Variants in HLCS observed in about 807,000 individuals in gnomAD.
HLCS encodes the protein holocarboxylase synthetase, also known as biotin--protein ligase.
A neutral mutation model predicts 75.0 loss-of-function variants in HLCS; 53 were observed. That is an observed-to-expected ratio of 0.71 (90% confidence interval 0.57 to 0.89). The LOEUF (loss-of-function observed/expected upper bound fraction) is 0.89, where lower values mean the gene tolerates loss of function less well. Among genes scored for constraint, HLCS ranks in the 40% least tolerant of loss-of-function variants. The pLI is 0.00. For synonymous variants in HLCS, 431 were observed against 428.6 expected, an observed-to-expected ratio of 1.01 and a Z score of -0.07; for missense variants, 966 against 1,074.0, an observed-to-expected ratio of 0.90 and a Z score of 1.41.
At chr21:36,966,343 G>T in intron 1 of HLCS, 101 bp downstream of exon 1, 1 of 523,610 alleles carries the variant, frequency 1.9e-6, no homozygotes, top group Non-Finnish European at 2.5e-6. Context: ...GCGCCACTCC[G>T]GGGCTCCCGA....
chr21:36,790,201 C>G (rs945081126), intron 6 of HLCS, among the ~76,000 whole-genome samples: 1 of 152,120 alleles, frequency 6.6e-6, no homozygotes, highest in Non-Finnish European at 1.5e-5. Flanking sequence ...GTCAGGAGAT[C>G]AAGACCATCC....
chr21:36,754,030 A>G lies in HLCS; in HGVS notation c.*216T>C. ...TCCCACCTGTGGGAGGGCTTTCCCT[A>G]AACTAAATTTTCTACTTCTTAACCA... On this transcript the variant is annotated 3_prime_UTR_variant, in exon 11 of 11. Transcript: ENST00000674895. 1 of 605,078 alleles carries G rather than the reference A, an allele frequency of 1.7e-6. No homozygotes were observed. Among genetic ancestry groups the G allele is most frequent in the Non-Finnish European group, 2.9e-6 (1 of 346,772 alleles). The allele number at this position is 605,078 out of a possible 1,614,324, so 37.5% of individuals were successfully genotyped here.
intron 8 of HLCS, among the ~76,000 whole-genome samples, chr21:36,763,453 G>A (rs890468674): frequency 3.9e-5 from 6 of 152,150 alleles, no homozygotes; most frequent in African/African-American, 1.2e-4. Flanking sequence ...GTAAGCGTCC[G>A]TTTCAGCGAT....
chr21:36,822,905 G>C (rs776118140), intron 6 of HLCS, among the ~76,000 whole-genome samples: 2 of 152,180 alleles, frequency 1.3e-5, no homozygotes, highest in Admixed American at 6.5e-5. Context: ...TTAATTCAGA[G>C]TAGGGTTAAA....
At chr21:36,868,722 T>TTGGC (rs1258166323) in intron 6 of HLCS, among the ~76,000 whole-genome samples, 1 of 151,784 alleles carries the variant, frequency 6.6e-6, no homozygotes, top group African/African-American at 2.4e-5. Context: ...GAAAAAACAA[T>TTGGC]TGGCTGGCAC....
intron 2 of HLCS, chr21:36,947,356 G>C: frequency 1.0e-6 from 1 of 985,400 alleles, no homozygotes; most frequent in Non-Finnish European, 1.2e-6. Context: ...CGTTTTCTAG[G>C]AGCGTGGTCC....
intron 2 of HLCS, among the ~76,000 whole-genome samples, chr21:36,940,138 T>C (rs976583410): frequency 1.3e-5 from 2 of 152,146 alleles, no homozygotes; most frequent in Admixed American, 1.3e-4. Flanking sequence ...AAAGCTTAGA[T>C]TGACTGGAAT....
At chr21:36,815,140 C>T (rs554010551) in intron 6 of HLCS, among the ~76,000 whole-genome samples, 88 of 151,732 alleles carry the variant, frequency 5.8e-4, no homozygotes, top group Admixed American at 3.4e-3. Context: ...AATTCTCCTG[C>T]TTCAGGCTCC....
At chr21:36,809,043 G>T (rs2061436110) in intron 6 of HLCS, among the ~76,000 whole-genome samples, 1 of 151,984 alleles carries the variant, frequency 6.6e-6, no homozygotes, top group Non-Finnish European at 1.5e-5. Flanking sequence ...GTGAGACCCT[G>T]TCTCTACTAA....
chr21:36,950,552 C>T (rs1305247849), intron 2 of HLCS, among the ~76,000 whole-genome samples: 1 of 151,948 alleles, frequency 6.6e-6, no homozygotes, highest in Non-Finnish European at 1.5e-5. Context: ...TCATTGCAGC[C>T]TCGACCTCCT....
intron 1 of HLCS, among the ~76,000 whole-genome samples, chr21:36,988,148 G>A (rs1203850957): frequency 6.6e-6 from 1 of 152,168 alleles, no homozygotes. Flanking sequence ...GCCTGGAGAT[G>A]TGTCATTTCC....
chr21:36,898,204 G>C (rs1338893541), intron 5 of HLCS, among the ~76,000 whole-genome samples: 1 of 152,062 alleles, frequency 6.6e-6, no homozygotes, highest in African/African-American at 2.4e-5. Context: ...CCAGCACTTT[G>C]GGAGGCCCAG....
intron 6 of HLCS, among the ~76,000 whole-genome samples, chr21:36,814,710 G>A (rs964969955): frequency 6.6e-6 from 1 of 152,130 alleles, no homozygotes; most frequent in African/African-American, 2.4e-5. Flanking sequence ...AAACTTTAAC[G>A]TGCATACAAA....
At chr21:36,798,915 T>C (rs1362850150) in intron 6 of HLCS, among the ~76,000 whole-genome samples, 2 of 152,262 alleles carry the variant, frequency 1.3e-5, no homozygotes, top group African/African-American at 4.8e-5. Context: ...TCTTTATATA[T>C]TCTGGCTATA....
chr21:36,904,770 A>T (rs1164335592), intron 5 of HLCS, among the ~76,000 whole-genome samples: 1 of 152,226 alleles, frequency 6.6e-6, no homozygotes, highest in Non-Finnish European at 1.5e-5. Context: ...TCAAATTATG[A>T]TTATGACTTG....
intron 2 of HLCS, among the ~76,000 whole-genome samples, chr21:36,960,241 A>T (rs897573285): frequency 2.0e-5 from 3 of 151,090 alleles, no homozygotes; most frequent in African/African-American, 7.3e-5. Context: ...AGCTGAGTGC[A>T]GCCTGCCAGG....
intron 4 of HLCS, among the ~76,000 whole-genome samples, chr21:36,931,446 C>T (rs754379976): frequency 3.3e-5 from 5 of 152,050 alleles, no homozygotes; most frequent in Non-Finnish European, 7.4e-5. Flanking sequence ...CGTTATTCAT[C>T]ATTTTAAGAG....
chr21:36,978,589 G>C (rs1212092485), intron 1 of HLCS, among the ~76,000 whole-genome samples: 1 of 152,168 alleles, frequency 6.6e-6, no homozygotes, highest in East Asian at 1.9e-4. Flanking sequence ...GAGGACTGCT[G>C]GGTGGGATCC....
chr21:36,955,243 C>A (rs991362728), intron 2 of HLCS, among the ~76,000 whole-genome samples: 1 of 152,110 alleles, frequency 6.6e-6, no homozygotes, highest in Admixed American at 6.6e-5. Context: ...TGACCCTGGG[C>A]AGCCTAGACT....
Sources: gnomAD v4.1 joint callset for allele counts (sites outside exome capture counted in the v4.1 genomes callset) on GRCh38, gnomAD v4.1.1 for gene constraint, MANE v1.5 for transcripts, NCBI Gene and HGNC (gene_info 2026-07-23, HGNC 2026-07-21) for gene names.